The following SLC2A13 variants were observed in gnomAD, a reference collection of about 807,000 sequenced individuals.
SLC2A13 encodes proton myo-inositol cotransporter.
SLC2A13 carries 32 observed loss-of-function variants against 64.4 expected under a neutral mutation model. The observed-to-expected ratio is 0.50, with a 90% CI of 0.37 to 0.67. The LOEUF is 0.67. Ranked by LOEUF, SLC2A13 falls within the 30% of genes least tolerant of loss-of-function variation. The pLI, the probability that SLC2A13 is intolerant of heterozygous loss-of-function variation, is 0.00. For missense variants in SLC2A13, 743 were observed against 829.2 expected (o/e 0.90, Z 1.28); for synonymous variants, 338 against 327.1 (o/e 1.03, Z -0.36).
intron 6 of SLC2A13, among the ~76,000 whole-genome samples, chr12:39,845,605 G>A (rs1943287720): frequency 6.6e-6 from 1 of 152,104 alleles, no homozygotes; most frequent in East Asian, 1.9e-4. Flanking sequence ...ATCAGCCCCT[G>A]GAGCCCCAGA....
chr12:39,893,306 T>A (rs1944659750), intron 4 of SLC2A13, among the ~76,000 whole-genome samples: 1 of 152,206 alleles, frequency 6.6e-6, no homozygotes, highest in African/African-American at 2.4e-5. Flanking sequence ...TATAGCTCTT[T>A]TCTTTTCTTT....
At chr12:39,817,309 G>T (rs1446945634) in intron 7 of SLC2A13, among the ~76,000 whole-genome samples, 1 of 151,930 alleles carries the variant, frequency 6.6e-6, no homozygotes, top group African/African-American at 2.4e-5. Flanking sequence ...GATGCAGGAG[G>T]TCATTAGACA....
At chr12:39,860,257 A>G (rs981941560) in intron 6 of SLC2A13, among the ~76,000 whole-genome samples, 1 of 152,234 alleles carries the variant, frequency 6.6e-6, no homozygotes, top group Non-Finnish European at 1.5e-5. Flanking sequence ...AAAGGCTTGA[A>G]TTAGGTTACA....
At chr12:39,782,812 C>A (rs1941043360) in intron 7 of SLC2A13, among the ~76,000 whole-genome samples, 1 of 152,090 alleles carries the variant, frequency 6.6e-6, no homozygotes, top group Non-Finnish European at 1.5e-5. Flanking sequence ...CTGAGGTGGT[C>A]TCAGAGGGAG....
At position 39,797,087 on chromosome 12, in the gene SLC2A13, G is replaced by C. The variant is rs546918626; in HGVS notation, c.1446-32229C>G. On this transcript the variant is annotated intron_variant, in intron 7 of 9. Transcript: ENST00000280871. ...ATAACTTGTGTAGGCACCCGATAAT[G>C]GAAACTATTCAACAGTAAGTACTGG... Among the ~76,000 whole-genome samples the C allele has an allele frequency of 4.6e-5, 7 of 152,212 alleles. No individual in the cohort carries two copies. In the South Asian group the frequency reaches 1.2e-3, roughly 27 times the overall value.
In SLC2A13 at chr12:39,964,726, T is replaced by C. The variant is rs560148429; in HGVS notation, c.926-13361A>G. ...GTGAATGCTGGATCTTAGGATCTAT[T>C]TTTCTCATAAAGACAATCCCATCAT... On this transcript the variant is annotated intron_variant, in intron 3 of 9. Coordinates refer to ENST00000280871, the MANE Select transcript of SLC2A13 (RefSeq NM_052885.4). 2.0e-5 allele frequency among the ~76,000 whole-genome samples: 3 copies of C among 152,294 alleles called. No homozygotes were observed. In the South Asian group the frequency reaches 6.2e-4, roughly 32 times the overall value.
At chr12:40,032,935 C>A (rs541219102) in intron 2 of SLC2A13, among the ~76,000 whole-genome samples, 1 of 152,250 alleles carries the variant, frequency 6.6e-6, no homozygotes, top group South Asian at 2.1e-4. Flanking sequence ...ATGTGAAAAT[C>A]TAGTTGAATG....
At chr12:39,811,567 T>C (rs528933099) in intron 7 of SLC2A13, among the ~76,000 whole-genome samples, 4 of 152,266 alleles carry the variant, frequency 2.6e-5, no homozygotes, top group African/African-American at 7.2e-5. Flanking sequence ...TTTTACAGCA[T>C]GGGTTATTTA....
At chr12:39,843,103 A>G (rs1301445521) in intron 6 of SLC2A13, among the ~76,000 whole-genome samples, 5 of 151,996 alleles carry the variant, frequency 3.3e-5, no homozygotes, top group Non-Finnish European at 7.4e-5. Context: ...TTTTGAGTAG[A>G]TACGTGCTTT....
At chr12:39,837,390 G>T (rs1483255270) in intron 6 of SLC2A13, among the ~76,000 whole-genome samples, 1 of 117,290 alleles carries the variant, frequency 8.5e-6, no homozygotes, top group Admixed American at 8.9e-5. Flanking sequence ...AAAAACCCTA[G>T]AAGAAAACCT....
Position 39,758,879 on chromosome 12 carries a change from G to A in SLC2A13, c.*1147C>T, listed in dbSNP as rs935806425. On this transcript the variant is annotated 3_prime_UTR_variant, in exon 10 of 10. Coordinates refer to ENST00000280871, the MANE Select transcript of SLC2A13 (RefSeq NM_052885.4). The stretch of plus-strand genomic sequence containing the variant: ...ATGCTCTTAAAGTAAAAAAAGACAA[G>A]TACAATTAAATAATAATATGTGACA... 1 of 151,400 alleles carries A rather than the reference G, an allele frequency of 6.6e-6. No homozygotes were observed. Among genetic ancestry groups the A allele is most frequent in the African/African-American group, 2.4e-5 (1 of 41,222 alleles). 9.4% of individuals were successfully genotyped at this position (151,400 alleles called of 1,614,324 possible). A position where few individuals can be genotyped will look rare whatever the true frequency, so the allele number is the denominator to read the frequency against.
rs1555144118 is a variant in SLC2A13 at position 39,968,760 on chromosome 12, G to GTTTA, written c.926-17396_926-17395insTAAA. Among the ~76,000 whole-genome samples the GTTTA allele has an allele frequency of 3.4e-3, 206 of 59,830 alleles. 16 individuals carry two copies. The highest frequency in any genetic ancestry group is 9.1e-3 in the Middle Eastern group (1 of 110). 39.3% of individuals were successfully genotyped at this position (59,830 alleles called of 152,430 possible). A position where few individuals can be genotyped will look rare whatever the true frequency, so the allele number is the denominator to read the frequency against. On this transcript the variant is annotated intron_variant, in intron 3 of 9. Coordinates refer to ENST00000280871, the MANE Select transcript of SLC2A13 (RefSeq NM_052885.4). ...TTTTTATTTTTGTTGTTTTTTTTTG[G>GTTTA]TATATATATATATATATATATATAT... is the stretch of plus-strand genomic sequence containing the variant.
intron 7 of SLC2A13, among the ~76,000 whole-genome samples, chr12:39,773,903 G>A (rs1411869169): frequency 3.9e-5 from 6 of 152,148 alleles, no homozygotes; most frequent in African/African-American, 1.2e-4. Flanking sequence ...ATCTACCATC[G>A]TTCTACTGGG....
chr12:39,912,533 A>G (rs573485405), intron 4 of SLC2A13, among the ~76,000 whole-genome samples: 1 of 152,246 alleles, frequency 6.6e-6, no homozygotes, highest in Non-Finnish European at 1.5e-5. Flanking sequence ...ATATGGATAG[A>G]AAAGTTATAA....
chr12:39,780,814 C>T lies in SLC2A13; in HGVS notation c.1446-15956G>A, dbSNP rs74090346. Among the ~76,000 whole-genome samples the T allele has an allele frequency of 5.4e-3, 818 of 152,222 alleles. 6 individuals are homozygous for T. Among genetic ancestry groups the T allele is most frequent in the African/African-American group, 0.019 (795 of 41,544 alleles). On this transcript the variant is annotated intron_variant, in intron 7 of 9. Transcript: ENST00000280871. ...AGCTACATAATGATTTTCTCTGATA[C>T]AGTCATGACAGTAAGGAACTAAAAG...
chr12:39,868,018 C>G (rs1943951891), intron 5 of SLC2A13, among the ~76,000 whole-genome samples: 1 of 152,170 alleles, frequency 6.6e-6, no homozygotes, highest in Non-Finnish European at 1.5e-5. Flanking sequence ...ACTATTAAAG[C>G]ATAAAACAAC....
intron 7 of SLC2A13, among the ~76,000 whole-genome samples, chr12:39,804,876 A>C (rs1941917016): frequency 6.6e-6 from 1 of 152,206 alleles, no homozygotes; most frequent in Non-Finnish European, 1.5e-5. Context: ...CAGGGTGGGT[A>C]GTTCTACTGT....
At chr12:39,979,193 C>A (rs1946837166) in intron 3 of SLC2A13, among the ~76,000 whole-genome samples, 1 of 131,802 alleles carries the variant, frequency 7.6e-6, no homozygotes, top group African/African-American at 2.9e-5. Flanking sequence ...CATCAAAGAC[C>A]AAAAGTAGAT....
At chr12:39,909,448 G>T (rs1018074990) in intron 4 of SLC2A13, among the ~76,000 whole-genome samples, 2 of 151,950 alleles carry the variant, frequency 1.3e-5, no homozygotes, top group African/African-American at 2.4e-5. Flanking sequence ...TCTTTGTTTT[G>T]CCTACCATGA....
Sources: allele counts gnomAD v4.1 joint callset (sites outside exome capture counted in the v4.1 genomes callset), GRCh38; gene constraint gnomAD v4.1.1; transcripts MANE v1.5; gene names NCBI Gene and HGNC (gene_info 2026-07-23, HGNC 2026-07-21).